ECE2: variants seen among roughly 807,000 people sequenced by gnomAD.
ECE2 encodes endothelin-converting enzyme 2.
ECE2 carries 81 observed loss-of-function variants against 100.6 expected under a neutral mutation model. The ratio of observed to expected loss-of-function variants is 0.81; its 90% CI spans 0.67 to 0.97. The LOEUF is 0.97. Ranked by LOEUF, ECE2 falls within the 50% of genes least tolerant of loss-of-function variation. The pLI, the probability that ECE2 is intolerant of heterozygous loss-of-function variation, is 0.00. For missense variants in ECE2, 911 were observed against 988.1 expected (o/e 0.92, Z 1.05); for synonymous variants, 391 against 391.5 (o/e 1.00, Z 0.02).
Position 184,290,823 on chromosome 3 carries a change from C to A in ECE2, c.1797C>A (p.Val599=). ...TGAACTTCGGTGGCATCGGTGTGGT[C>A]ATGGGCCATGAGTTGACGCATGCCT... ...KALNFGGIGV[V]MGHELTHAFD... is the part of the protein sequence containing the mutation. Residue 599 remains valine (V), a synonymous_variant, in exon 16 of 19, where the codon GTC becomes GTA. Transcript: ENST00000404464. 6.2e-7 allele frequency: 1 copy of A among 1,614,146 alleles called. No homozygotes were observed. Among genetic ancestry groups the A allele is most frequent in the South Asian group, 1.1e-5 (1 of 91,056 alleles).
intron 7 of ECE2, among the ~76,000 whole-genome samples, chr3:184,279,070 G>A (rs843373): frequency 0.091 from 13,775 of 152,186 alleles, 743 homozygotes; most frequent in East Asian, 0.2. Flanking sequence ...AGCACTTTGG[G>A]AGGCCGAGGT....
intron 10 of ECE2, among the ~76,000 whole-genome samples, chr3:184,287,486 G>A (rs1021186492): frequency 6.6e-6 from 1 of 152,026 alleles, no homozygotes; most frequent in Non-Finnish European, 1.5e-5. Flanking sequence ...GAGCTCAGGA[G>A]TTCAAGACCA....
chr3:184,291,584 A>G lies in ECE2; in HGVS notation c.2121+145A>G. On this transcript the variant is annotated intron_variant, in intron 18 of 18. Coordinates refer to ENST00000404464, the MANE Select transcript of ECE2 (RefSeq NM_001100121.2). The surrounding 1 kb of genome is among the most constrained non-coding windows in gnomAD (Gnocchi z 4.1). ...CATGAAAGGTGGGCTGGGAAGGCCC[A>G]TGCCCAGAGCCTCCGGCCAGCCAGG... The G allele has an allele frequency of 2.6e-5, 21 of 815,296 alleles. No individual in the cohort carries two copies. Among genetic ancestry groups the G allele is most frequent in the Non-Finnish European group, 3.9e-5 (21 of 543,002 alleles). The allele number at this position is 815,296 out of a possible 1,614,324, so 50.5% of individuals were successfully genotyped here.
chr3:184,277,229 C>G lies in ECE2; in HGVS notation c.263-22C>G, dbSNP rs1720596843. ...AGACAGACTGACAGTCTCCTACCCT[C>G]CGGCCATGTTCCCTACCACAGACCC... On this transcript the variant is annotated intron_variant, in intron 3 of 18. Transcript: ENST00000404464. 5 of 1,613,856 alleles carry G rather than the reference C, an allele frequency of 3.1e-6. No homozygotes were observed. In the East Asian group the frequency reaches 1.1e-4, roughly 36 times the overall value.
At chr3:184,288,722 G>A (rs886663657) in intron 11 of ECE2, among the ~76,000 whole-genome samples, 4 of 152,050 alleles carry the variant, frequency 2.6e-5, no homozygotes, top group Non-Finnish European at 5.9e-5. Context: ...ATGCATATCA[G>A]GGGAGGGAAA....
chr3:184,277,487 G>A, intron 4 of ECE2, 21 bp downstream of exon 4: 1 of 1,612,296 alleles, frequency 6.2e-7, no homozygotes, highest in Non-Finnish European at 8.5e-7. Context: ...CTGTTAGGGA[G>A]GCCTTGGGCC....
Position 184,278,054 on chromosome 3 carries a change from G to A in ECE2, c.603+5G>A. 1.2e-6 allele frequency: 2 copies of A among 1,613,982 alleles called. No individual in the cohort carries two copies. Among genetic ancestry groups the A allele is most frequent in the Non-Finnish European group, 8.5e-7 (1 of 1,179,980 alleles). ...CTGAGAGACCTCATTGAGAAGGTAG[G>A]GCCACTGAGCCGGTTGAGGGCAGGG... On this transcript the variant is annotated splice_donor_5th_base_variant and intron_variant, in intron 5 of 18. Transcript: ENST00000404464.
chr3:184,283,166 A>G (rs74720080), intron 7 of ECE2, among the ~76,000 whole-genome samples: 3,386 of 152,290 alleles, frequency 0.022, 52 homozygotes, highest in Non-Finnish European at 0.035. Flanking sequence ...TCTGTGTTCT[A>G]GTCCCTAGAG....
In ECE2 at chr3:184,291,553, C is replaced by A; in HGVS notation, c.2121+114C>A. On this transcript the variant is annotated intron_variant, in intron 18 of 18. Transcript: ENST00000404464. This position sits in a 1 kb window ranked among gnomAD's most constrained non-coding sequence, Gnocchi z 4.1. ...AACGGGCTGGTGAATGGGGCTGAGG[C>A]TGGGGCATGAAAGGTGGGCTGGGAA... 9.4e-7 allele frequency: 1 copy of A among 1,066,662 alleles called. No individual in the cohort carries two copies. Among genetic ancestry groups the A allele is most frequent in the Non-Finnish European group, 1.3e-6 (1 of 762,994 alleles). The allele number at this position is 1,066,662 out of a possible 1,614,324, so 66.1% of individuals were successfully genotyped here.
At chr3:184,281,413 CA>C (rs1320582416) in intron 7 of ECE2, among the ~76,000 whole-genome samples, 2 of 152,182 alleles carry the variant, frequency 1.3e-5, no homozygotes, top group Admixed American at 6.5e-5. Flanking sequence ...ACAGGTTATG[CA>C]AAGGCTCCAA....
chr3:184,280,119 G>A (rs1720755989), intron 7 of ECE2, among the ~76,000 whole-genome samples: 1 of 152,142 alleles, frequency 6.6e-6, no homozygotes, highest in South Asian at 2.1e-4. Flanking sequence ...ACACTTTCAT[G>A]ATGGTGGAAT....
At chr3:184,278,696 CTTTCTTCT>C (rs34745735) in intron 7 of ECE2, 139 bp downstream of exon 7, 344,549 of 708,254 alleles carry the variant, frequency 0.49, 87,238 homozygotes, top group Admixed American at 0.61. Flanking sequence ...CCCCTCCTTT[CTTTCTTCT>C]TTTCTTCCTC....
rs56216284 is a variant in ECE2, at chr3:184,290,370, G to C, written c.1655+12G>C. 1.5e-5 allele frequency: 24 copies of C among 1,612,380 alleles called. No individual in the cohort carries two copies. Among genetic ancestry groups the C allele is most frequent in the Non-Finnish European group, 1.8e-5 (21 of 1,178,598 alleles). On this transcript the variant is annotated intron_variant, in intron 14 of 18. Coordinates refer to ENST00000404464, the MANE Select transcript of ECE2 (RefSeq NM_001100121.2). ...CCCAGCCGAGACCAGTGAGAATGAC[G>C]GGGTGGACATAGACACTAGGGGTGG...
At position 184,285,517 on chromosome 3, in the gene ECE2, G is replaced by C; in HGVS notation, c.1188G>C (p.Lys396Asn). The C allele has an allele frequency of 6.2e-7, 1 of 1,614,198 alleles. No individual in the cohort carries two copies. The highest frequency in any genetic ancestry group is 8.5e-7 in the Non-Finnish European group (1 of 1,180,042). Residue 396 changes from lysine (K) to asparagine (N), a missense_variant, in exon 10 of 19, where the codon AAG becomes AAC. By Grantham distance (94) the Lys-to-Asn change is moderately conservative. Transcript: ENST00000404464. ...ACCTGATCTGGAACCTGGTGCAAAAGACAACCTCAAGCCTGGACCGACGCT... is the reference window on the plus strand; with the variant it reads ...ACCTGATCTGGAACCTGGTGCAAAACACAACCTCAAGCCTGGACCGACGCT... ...NNYLIWNLVQ[K>N]TTSSLDRRFE...
chr3:184,288,883 G>A (rs776895855), intron 11 of ECE2, among the ~76,000 whole-genome samples: 14 of 152,186 alleles, frequency 9.2e-5, no homozygotes, highest in African/African-American at 2.7e-4. Flanking sequence ...TAGGCTGGGC[G>A]TGGTGGTTCA....
chr3:184,277,541 A>C, intron 4 of ECE2, 75 bp downstream of exon 4: 3 of 1,486,086 alleles, frequency 2.0e-6, no homozygotes, highest in Non-Finnish European at 2.8e-6. Context: ...CACTTAGCAA[A>C]TAGGCAGTGT....
Position 184,289,870 on chromosome 3 carries a change from C to G in ECE2, c.1551+152C>G. 1.4e-6 allele frequency: 1 copy of G among 704,658 alleles called. No homozygotes were observed. The highest frequency in any genetic ancestry group is 1.8e-5 in the African/African-American group (1 of 55,964). 43.7% of individuals were successfully genotyped at this position (704,658 alleles called of 1,614,324 possible). A position where few individuals can be genotyped will look rare whatever the true frequency, so the allele number is the denominator to read the frequency against. On this transcript the variant is annotated intron_variant, in intron 13 of 18. Transcript: ENST00000404464. This position sits in a 1 kb window ranked among gnomAD's most constrained non-coding sequence, Gnocchi z 4.1. ...GTAACCAGCATTGTTAAAATGTTGG[C>G]TCTGTGACAGGCTGCAGGCCAAACA...
At chr3:184,285,742 A>T in intron 10 of ECE2, 150 bp downstream of exon 10, 1 of 630,234 alleles carries the variant, frequency 1.6e-6, no homozygotes, top group Non-Finnish European at 2.8e-6. Context: ...TTTCAATCCC[A>T]ACTCATTCAT....
In ECE2 at chr3:184,276,024, GGCCGAGCGGGGGT is replaced by G; in HGVS notation, c.-127_-115del. The G allele has an allele frequency of 9.5e-7, 1 of 1,048,740 alleles. No homozygotes were observed. The highest frequency in any genetic ancestry group is 1.2e-6 in the Non-Finnish European group (1 of 867,348). 65.0% of individuals were successfully genotyped at this position (1,048,740 alleles called of 1,614,324 possible). ...CTCGGGCGGGGGGGGGGGCGGCCGC[GGCCGAGCGGGGGT>G]GCTGCGCGGCGGCCGTGATGGCTGG... On this transcript the variant is annotated 5_prime_UTR_variant, in exon 1 of 19. Coordinates refer to ENST00000404464, the MANE Select transcript of ECE2 (RefSeq NM_001100121.2).
Sources: allele counts gnomAD v4.1 joint callset (sites outside exome capture counted in the v4.1 genomes callset), GRCh38; gene constraint gnomAD v4.1.1; non-coding constraint Gnocchi (gnomAD v3.1); transcripts MANE v1.5; gene names NCBI Gene and HGNC (gene_info 2026-07-23, HGNC 2026-07-21).